Variants in ANGPT2 observed in about 807,000 individuals in gnomAD.
The protein encoded by ANGPT2 is angiopoietin 2, also known as angiopoietin-2.
ANGPT2 carries 28 observed loss-of-function variants against 62.9 expected under a neutral mutation model. The ratio of observed to expected loss-of-function variants is 0.44; its 90% confidence interval spans 0.33 to 0.61. The LOEUF (loss-of-function observed/expected upper bound fraction) is 0.61, where lower values mean the gene tolerates loss of function less well. Among genes scored for constraint, ANGPT2 ranks in the 20% least tolerant of loss-of-function variants. The pLI is 0.03. For missense variants in ANGPT2, 727 were observed against 594.9 expected (o/e 1.22, Z -2.31); for synonymous variants, 284 against 207.8 (o/e 1.37, Z -3.15).
intron 2 of ANGPT2, among the ~76,000 whole-genome samples, chr8:6,531,418 A>C (rs1482891704): frequency 2.0e-5 from 3 of 151,190 alleles, no homozygotes; most frequent in Non-Finnish European, 4.4e-5. Context: ...CCTCCCAAGT[A>C]GCTGGGATTG....
At chr8:6,520,433 T>G (rs933652672) in intron 4 of ANGPT2, among the ~76,000 whole-genome samples, 1 of 152,156 alleles carries the variant, frequency 6.6e-6, no homozygotes, top group Non-Finnish European at 1.5e-5. Context: ...ATTATCCCAC[T>G]GAGGACATAG....
At chr8:6,525,421 G>C (rs1818157557) in intron 3 of ANGPT2, among the ~76,000 whole-genome samples, 1 of 152,100 alleles carries the variant, frequency 6.6e-6, no homozygotes, top group African/African-American at 2.4e-5. Flanking sequence ...GTAAAAATGA[G>C]TTCTCATTAT....
At chr8:6,519,838 T>C (rs922502949) in intron 5 of ANGPT2, 26 bp downstream of exon 5, 2 of 1,610,748 alleles carry the variant, frequency 1.2e-6, no homozygotes, top group African/African-American at 1.3e-5. Flanking sequence ...AGCCAGGGAG[T>C]TAGTAAGGGG....
intron 1 of ANGPT2, among the ~76,000 whole-genome samples, chr8:6,559,610 G>C (rs921200892): frequency 2.6e-5 from 4 of 152,124 alleles, no homozygotes; most frequent in Non-Finnish European, 5.9e-5. Flanking sequence ...GACTGCAGTT[G>C]TTTATAGGTA....
intron 3 of ANGPT2, among the ~76,000 whole-genome samples, chr8:6,524,077 A>G (rs1166532327): frequency 6.6e-6 from 1 of 152,212 alleles, no homozygotes; most frequent in African/African-American, 2.4e-5. Context: ...TTTTAAAAAT[A>G]GAAAAACAGT....
Position 6,519,966 on chromosome 8 carries a change from T to C in ANGPT2, c.825A>G (p.Glu275=). 1 of 1,614,144 alleles carries C rather than the reference T, an allele frequency of 6.2e-7. No individual in the cohort carries two copies. Residue 275 remains glutamate, a synonymous_variant, in exon 5 of 9, where the codon GAA becomes GAG. Transcript: ENST00000629816. ...SNSKDPTVAK[E]EQISFRDCAE... Reference sequence around the variant, plus strand: ...CACAGTCTCTGAAGCTGATTTGTTCTTCTTTAGCAACAGTGGGGTCCTTAG... The same window carrying C: ...CACAGTCTCTGAAGCTGATTTGTTCCTCTTTAGCAACAGTGGGGTCCTTAG...
rs1307856075 is a variant in ANGPT2 at position 6,511,154 on chromosome 8, T to C, written c.1197-2092A>G. 2.6e-5 allele frequency among the ~76,000 whole-genome samples: 4 copies of C among 152,342 alleles called. 1 individual carries two copies. The East Asian group carries it at 7.7e-4, about 29-fold the overall frequency. On this transcript the variant is annotated intron_variant, in intron 7 of 8. Transcript: ENST00000629816. ...AGAAAAATAAGGGAGAATACTATTT[T>C]TTATGAGTCTCTGTTAGAAAGGTTT...
chr8:6,524,196 T>G (rs1039462782), intron 3 of ANGPT2, among the ~76,000 whole-genome samples: 2 of 152,182 alleles, frequency 1.3e-5, no homozygotes, highest in Non-Finnish European at 2.9e-5. Flanking sequence ...GACCTCATAT[T>G]CCCTTTTTTG....
intron 3 of ANGPT2, among the ~76,000 whole-genome samples, chr8:6,525,216 A>C (rs1405876030): frequency 1.3e-5 from 2 of 152,210 alleles, no homozygotes; most frequent in African/African-American, 4.8e-5. Context: ...TTAGATATTC[A>C]ATTGTAGCTC....
At chr8:6,535,802 C>T (rs1163726046) in intron 1 of ANGPT2, among the ~76,000 whole-genome samples, 1 of 151,858 alleles carries the variant, frequency 6.6e-6, no homozygotes, top group Non-Finnish European at 1.5e-5. Flanking sequence ...AATCCCAGCA[C>T]TTTGGGAGGC....
intron 8 of ANGPT2, among the ~76,000 whole-genome samples, chr8:6,506,572 CA>C (rs749427852): frequency 6.6e-6 from 1 of 152,170 alleles, no homozygotes; most frequent in Non-Finnish European, 1.5e-5. Context: ...AGACAGGAAA[CA>C]AAGTCCTAGG....
chr8:6,552,296 G>A (rs1201012832), intron 1 of ANGPT2, among the ~76,000 whole-genome samples: 1 of 152,146 alleles, frequency 6.6e-6, no homozygotes, highest in South Asian at 2.1e-4. Flanking sequence ...ATATGACGAT[G>A]GAATGTGGCC....
At position 6,500,044 on chromosome 8, in the gene ANGPT2, T is replaced by C. The variant is rs1190445252; in HGVS notation, c.*3057A>G. 6 of 849,362 alleles carry C rather than the reference T, an allele frequency of 7.1e-6. No individual in the cohort carries two copies. The highest frequency in any genetic ancestry group is 5.5e-5 in the South Asian group (4 of 72,408). 52.6% of individuals were successfully genotyped at this position (849,362 alleles called of 1,614,324 possible). A position where few individuals can be genotyped will look rare whatever the true frequency, so the allele number is the denominator to read the frequency against. On this transcript the variant is annotated 3_prime_UTR_variant, in exon 9 of 9. Transcript: ENST00000629816. ...CAGTCAAGCACAATTATGCCCATAA[T>C]TAAAAAGACATTCACAGAACTTAAC...
intron 1 of ANGPT2, among the ~76,000 whole-genome samples, chr8:6,538,267 C>A (rs1159612963): frequency 2.0e-5 from 3 of 152,166 alleles, no homozygotes; most frequent in Non-Finnish European, 1.5e-5. Context: ...TTGCAACCAT[C>A]TGTCTTACAC....
chr8:6,503,382 A>C, intron 8 of ANGPT2, 121 bp from the exon 9 acceptor site: 1 of 963,662 alleles, frequency 1.0e-6, no homozygotes, highest in Non-Finnish European at 1.6e-6. Flanking sequence ...GCACATGCAG[A>C]TGATGGTGAG....
intron 2 of ANGPT2, among the ~76,000 whole-genome samples, chr8:6,529,091 G>A (rs796176084): frequency 6.6e-6 from 1 of 152,186 alleles, no homozygotes; most frequent in African/African-American, 2.4e-5. Context: ...AGGCAGGGAA[G>A]GATGGCATAT....
intron 7 of ANGPT2, among the ~76,000 whole-genome samples, chr8:6,512,935 A>T (rs1815469584): frequency 6.6e-6 from 1 of 152,226 alleles, no homozygotes; most frequent in African/African-American, 2.4e-5. Flanking sequence ...CTTGACTTTG[A>T]GATTGAAGAC....
At position 6,532,583 on chromosome 8, in the gene ANGPT2, A is replaced by AG. The variant is rs890918464; in HGVS notation, c.289-97_289-96insC. 15 of 889,794 alleles carry AG rather than the reference A, an allele frequency of 1.7e-5. No individual in the cohort carries two copies. The African/African-American group carries it at 2.6e-4, about 16-fold the overall frequency. 55.1% of individuals were successfully genotyped at this position (889,794 alleles called of 1,614,324 possible). A position where few individuals can be genotyped will look rare whatever the true frequency, so the allele number is the denominator to read the frequency against. On this transcript the variant is annotated intron_variant, in intron 1 of 8. Transcript: ENST00000629816. ...GTCTCCTCCCTATCTTTAAAAAAAA[A>AG]AAAAAAAAATCTATCAAAAGACTTG...
intron 4 of ANGPT2, 105 bp from the exon 5 acceptor site, chr8:6,520,096 T>C: frequency 7.4e-7 from 1 of 1,342,406 alleles, no homozygotes; most frequent in Non-Finnish European, 1.0e-6. Flanking sequence ...TTTGGAATTC[T>C]TAAGTAAGCA....
Sources: allele counts gnomAD v4.1 joint callset (sites outside exome capture counted in the v4.1 genomes callset), GRCh38; gene constraint gnomAD v4.1.1; transcripts MANE v1.5; gene names NCBI Gene and HGNC (gene_info 2026-07-23, HGNC 2026-07-21).